SIPA1L2: variants seen among roughly 807,000 people sequenced by gnomAD.
The protein encoded by SIPA1L2 is signal induced proliferation associated 1 like 2.
Under a neutral mutation model 163.9 loss-of-function variants are expected in SIPA1L2, and 56 were observed. That is an observed-to-expected ratio of 0.34 (90% CI 0.28 to 0.43). The LOEUF (loss-of-function observed/expected upper bound fraction) is 0.43. Ranked by LOEUF, SIPA1L2 falls within the 20% of genes least tolerant of loss-of-function variation. The pLI is 1.00. For synonymous variants in SIPA1L2, 877 were observed against 865.7 expected (o/e 1.01, Z -0.23); for missense variants, 1,974 against 2,193.5 (o/e 0.90, Z 2.00).
intron 16 of SIPA1L2, 31 bp from the exon 17 acceptor site, chr1:232,428,595 C>A: frequency 6.8e-7 from 1 of 1,468,818 alleles, no homozygotes; most frequent in Non-Finnish European, 9.0e-7. Context: ...GGAAATTAAG[C>A]CTATTTGTAA....
intron 5 of SIPA1L2, 109 bp from the exon 6 acceptor site, chr1:232,484,075 A>C: frequency 9.8e-7 from 1 of 1,015,534 alleles, no homozygotes; most frequent in Non-Finnish European, 1.4e-6. Context: ...AGCATGCCAG[A>C]ACAATTCCCA....
chr1:232,617,743 T>C (rs529998613), intron 1 of SIPA1L2, among the ~76,000 whole-genome samples: 1 of 152,274 alleles, frequency 6.6e-6, no homozygotes, highest in South Asian at 2.1e-4. Context: ...GGGAGAAACA[T>C]TTCACATCCT....
intron 2 of SIPA1L2, among the ~76,000 whole-genome samples, chr1:232,539,623 GT>G: frequency 6.6e-6 from 1 of 152,166 alleles, no homozygotes; most frequent in East Asian, 1.9e-4. Flanking sequence ...CACGCAGGTT[GT>G]ACAAGAAGAG....
At chr1:232,480,680 ATTTC>A (rs1665302519) in intron 6 of SIPA1L2, among the ~76,000 whole-genome samples, 1 of 152,196 alleles carries the variant, frequency 6.6e-6, no homozygotes. Flanking sequence ...ATGGAATTCA[ATTTC>A]TTTGTCAATT....
At chr1:232,474,382 G>A (rs907598407) in intron 7 of SIPA1L2, among the ~76,000 whole-genome samples, 7 of 152,198 alleles carry the variant, frequency 4.6e-5, no homozygotes, top group African/African-American at 1.7e-4. Context: ...GAGAAAATGT[G>A]AGTCTTCACC....
intron 7 of SIPA1L2, among the ~76,000 whole-genome samples, chr1:232,476,202 C>T (rs1665036298): frequency 6.6e-6 from 1 of 152,102 alleles, no homozygotes; most frequent in East Asian, 1.9e-4. Flanking sequence ...GAGAAAAGGG[C>T]TCCAGGCTTA....
rs1664427465 is a variant in SIPA1L2, at chr1:232,464,905, A to G, written c.2755T>C (p.Cys919Arg). Residue 919 changes from cysteine (C) to arginine (R), a missense_variant, in exon 9 of 23, where the codon TGT becomes CGT. Transcript: ENST00000674635. ...TTGTCTACCGAGGACAGGAGGACAC[A>G]TTCTCCTCTTTCGTAAAACACTTTG... The part of the protein sequence containing the change: ...SIKVFYERGE[C>R]VLLSSVDNCA... 1 of 1,614,170 alleles carries G rather than the reference A, an allele frequency of 6.2e-7. No individual in the cohort carries two copies. Among genetic ancestry groups the G allele is most frequent in the Non-Finnish European group, 8.5e-7 (1 of 1,179,980 alleles).
chr1:232,484,368 GT>G (rs1665540281), intron 5 of SIPA1L2, among the ~76,000 whole-genome samples: 1 of 152,096 alleles, frequency 6.6e-6, no homozygotes, highest in South Asian at 2.1e-4. Context: ...AAACCTTTAA[GT>G]TTTTCTCTGT....
chr1:232,603,279 T>A (rs540107406), intron 1 of SIPA1L2, among the ~76,000 whole-genome samples: 44 of 152,280 alleles, frequency 2.9e-4, no homozygotes, highest in African/African-American at 9.9e-4. Context: ...TAGGGACAGC[T>A]GGAGAAAGGC....
intron 1 of SIPA1L2, among the ~76,000 whole-genome samples, chr1:232,624,070 TATAC>T (rs1018890080): frequency 1.0e-3 from 158 of 152,310 alleles, no homozygotes; most frequent in African/African-American, 2.7e-3. Flanking sequence ...AGTATATGTT[TATAC>T]ATACAGATAT....
At chr1:232,582,963 C>CT (rs1467250960) in intron 1 of SIPA1L2, among the ~76,000 whole-genome samples, 2 of 152,168 alleles carry the variant, frequency 1.3e-5, no homozygotes, top group African/African-American at 2.4e-5. Flanking sequence ...TAAATTCAAG[C>CT]TAAAAAGCTT....
chr1:232,596,920 C>T (rs968727243), intron 1 of SIPA1L2, among the ~76,000 whole-genome samples: 19 of 152,336 alleles, frequency 1.2e-4, no homozygotes, highest in African/African-American at 3.4e-4. Flanking sequence ...GTGCAGGCAA[C>T]ATGCCACCTG....
rs571378132 is a variant in SIPA1L2 at position 232,437,225 on chromosome 1, A to G, written c.4031+1883T>C. Among the ~76,000 whole-genome samples the G allele has an allele frequency of 2.0e-4, 30 of 152,302 alleles. 2 individuals are homozygous for G. The South Asian group carries it at 6.0e-3, about 31-fold the overall frequency. ...CAAAACTCTATTTGTGATGCCAATG[A>G]CATCTGTCCAAAAAGGTGTCATGAA... On this transcript the variant is annotated intron_variant, in intron 15 of 22. Coordinates refer to ENST00000674635, the MANE Select transcript of SIPA1L2 (RefSeq NM_020808.5).
chr1:232,460,880 G>T lies in SIPA1L2; in HGVS notation c.3095+7C>A. 1 of 1,610,518 alleles carries T rather than the reference G, an allele frequency of 6.2e-7. No individual in the cohort carries two copies. The highest frequency in any genetic ancestry group is 1.1e-5 in the South Asian group (1 of 90,940). ...AGTGAGCATTACTTGGGCCTCCCAC[G>T]CCTTACCTTCGGGGCGAGCCGTCAT... On this transcript the variant is annotated splice_region_variant and intron_variant, in intron 10 of 22. Coordinates refer to ENST00000674635, the MANE Select transcript of SIPA1L2 (RefSeq NM_020808.5).
chr1:232,630,143 G>A (rs1432027875), upstream of SIPA1L2, among the ~76,000 whole-genome samples: 1 of 151,302 alleles, frequency 6.6e-6, no homozygotes, highest in Admixed American at 6.6e-5. Flanking sequence ...TGCCGCGCCG[G>A]CTCCCGATGC....
rs1240694736 is a variant in SIPA1L2 at position 232,630,036 on chromosome 1, G to C, written c.-486C>G. ...CCCGGACCCGCTGGCTGCGGCTGGAGCTCTCGGCCTGCGCTCGGGCGGCCG... is the reference window on the plus strand; with the variant it reads ...CCCGGACCCGCTGGCTGCGGCTGGACCTCTCGGCCTGCGCTCGGGCGGCCG... On this transcript the variant is annotated 5_prime_UTR_variant, in exon 1 of 23. Transcript: ENST00000674635. Among the ~76,000 whole-genome samples, 1 of 150,116 alleles carries C rather than the reference G, an allele frequency of 6.7e-6. No individual in the cohort carries two copies. The highest frequency in any genetic ancestry group is 2.4e-5 in the African/African-American group (1 of 41,174).
At chr1:232,520,680 T>TAA (rs111484021) in intron 2 of SIPA1L2, among the ~76,000 whole-genome samples, 2 of 151,826 alleles carry the variant, frequency 1.3e-5, no homozygotes, top group African/African-American at 4.8e-5. Context: ...ATAACTATAG[T>TAA]AAAAAAAATG....
chr1:232,514,898 A>G lies in SIPA1L2; in HGVS notation c.442T>C (p.Ser148Pro), dbSNP rs1163285335. The G allele has an allele frequency of 6.2e-7, 1 of 1,613,960 alleles. No homozygotes were observed. The highest frequency in any genetic ancestry group is 1.7e-5 in the Admixed American group (1 of 60,002). The change falls in exon 3 of 23, where the codon TCC becomes CCC. Residue 148 changes from serine (S) to proline (P), a missense_variant. Physicochemically the swap from Ser to Pro is moderately conservative, Grantham distance 74. Around this residue, in one of 3 missense-constraint regions of SIPA1L2, gnomAD observed 607 missense variants for 624.0 expected, o/e 0.97. Transcript: ENST00000674635. Reference sequence around the variant, plus strand: ...ATGGGGTGAAGTCCTCTTTGGGGGGAATGGACAAAGATGTCTCCGATTGTG... The same window carrying G: ...ATGGGGTGAAGTCCTCTTTGGGGGGGATGGACAAAGATGTCTCCGATTGTG... ...KYTIGDIFVH[S>P]PQRGLHPIRQ...
At chr1:232,574,144 G>A (rs577958913) in intron 2 of SIPA1L2, among the ~76,000 whole-genome samples, 30 bp downstream of exon 2, 1 of 152,172 alleles carries the variant, frequency 6.6e-6, no homozygotes, top group Admixed American at 6.5e-5. Flanking sequence ...ATGCCTCTCT[G>A]AAGTGAGGAT....
Sources: gnomAD v4.1 joint callset for allele counts (sites outside exome capture counted in the v4.1 genomes callset) on GRCh38, gnomAD v4.1.1 for gene constraint, gnomAD v4.1.1 regional missense constraint, MANE v1.5 for transcripts, NCBI Gene and HGNC (gene_info 2026-07-23, HGNC 2026-07-21) for gene names.